The following SLC5A7 variants were observed in gnomAD, a reference collection of about 807,000 sequenced individuals.
SLC5A7 encodes high affinity choline transporter 1.
SLC5A7 carries 19 observed loss-of-function variants against 55.4 expected under a neutral mutation model. The ratio of observed to expected loss-of-function variants is 0.34; its 90% CI spans 0.24 to 0.50. SLC5A7 has a LOEUF of 0.50. Among genes scored for constraint, SLC5A7 ranks in the 20% least tolerant of loss-of-function variants. SLC5A7 has a pLI of 0.98. For missense variants in SLC5A7, 506 were observed against 705.3 expected (o/e 0.72, Z 3.20); for synonymous variants, 265 against 263.7 (o/e 1.00, Z -0.05).
At chr2:107,987,714 A>C (rs991595125) in intron 1 of SLC5A7, among the ~76,000 whole-genome samples, 3 of 152,216 alleles carry the variant, frequency 2.0e-5, no homozygotes, top group African/African-American at 4.8e-5. Context: ...AGAATAAATA[A>C]TTCTAGAAGA....
Position 108,010,367 on chromosome 2 carries a change from ATCTT to A in SLC5A7, c.1250_1253del (p.Ile417ThrfsTer28). ...CAGTTCTGACCTTGTTTACATCGTT[ATCTT>A]CCCCCAGCTGCTTTGTGTACTCTTT... On this transcript the variant is annotated frameshift_variant, in exon 9 of 9. Coordinates refer to ENST00000264047, the MANE Select transcript of SLC5A7 (RefSeq NM_021815.5). LOFTEE classifies it high-confidence loss of function. 1 of 1,613,906 alleles carries A rather than the reference ATCTT, an allele frequency of 6.2e-7. No individual in the cohort carries two copies. The highest frequency in any genetic ancestry group is 8.5e-7 in the Non-Finnish European group (1 of 1,179,912).
chr2:107,992,096 T>C lies in SLC5A7; in HGVS notation c.179-10T>C. 6.3e-7 allele frequency: 1 copy of C among 1,591,222 alleles called. No homozygotes were observed. The highest frequency in any genetic ancestry group is 8.6e-7 in the Non-Finnish European group (1 of 1,159,770). Reference sequence around the variant, plus strand: ...ACAGTATCACTCCCTCACTTTTCATTCTGTTTCAGCTACCTGGGTCGGAGG... The same window carrying C: ...ACAGTATCACTCCCTCACTTTTCATCCTGTTTCAGCTACCTGGGTCGGAGG... On this transcript the variant is annotated splice_polypyrimidine_tract_variant and intron_variant, in intron 2 of 8. Coordinates refer to ENST00000264047, the MANE Select transcript of SLC5A7 (RefSeq NM_021815.5).
chr2:108,010,289 T>A lies in SLC5A7; in HGVS notation c.1171T>A (p.Ser391Thr). ...AATCACAGTGTTTGTGTTTGGAGCATCTGCAACAGCCATGGCCTTGCTGAC... is the reference window on the plus strand; with the variant it reads ...AATCACAGTGTTTGTGTTTGGAGCAACTGCAACAGCCATGGCCTTGCTGAC... ...MRITVFVFGASATAMALLTKT... is the reference protein window; with the variant it reads ...MRITVFVFGATATAMALLTKT... Residue 391 changes from serine to threonine, a missense_variant, in exon 9 of 9, where the codon TCT becomes ACT. By Grantham distance (58) the Ser-to-Thr change is moderately conservative. This residue lies in a region of SLC5A7 where 309 missense variants were observed against 478.6 expected (regional missense o/e 0.65). Coordinates refer to ENST00000264047, the MANE Select transcript of SLC5A7 (RefSeq NM_021815.5). 6.2e-7 allele frequency: 1 copy of A among 1,613,934 alleles called. No individual in the cohort carries two copies. Among genetic ancestry groups the A allele is most frequent in the Non-Finnish European group, 8.5e-7 (1 of 1,179,910 alleles).
At chr2:108,005,028 T>G (rs1678050266) in intron 6 of SLC5A7, among the ~76,000 whole-genome samples, 1 of 152,232 alleles carries the variant, frequency 6.6e-6, no homozygotes, top group South Asian at 2.1e-4. Flanking sequence ...CATTCCAATA[T>G]AGGTATGTAT....
intron 8 of SLC5A7, among the ~76,000 whole-genome samples, chr2:108,009,436 C>CGTCCTCTAAG (rs1182925558): frequency 3.9e-5 from 6 of 152,084 alleles, no homozygotes; most frequent in Admixed American, 3.9e-4. Context: ...CCTATTGACC[C>CGTCCTCTAAG]GTCCTCTAAG....
chr2:107,992,287 G>A (rs1677481090), intron 3 of SLC5A7, 68 bp downstream of exon 3: 1 of 909,300 alleles, frequency 1.1e-6, no homozygotes, highest in African/African-American at 1.6e-5. Flanking sequence ...TAAATAACAA[G>A]TGGAATAACA....
chr2:108,006,154 G>A lies in SLC5A7; in HGVS notation c.847G>A (p.Val283Met). The A allele has an allele frequency of 6.2e-7, 1 of 1,613,968 alleles. No homozygotes were observed. Among genetic ancestry groups the A allele is most frequent in the Non-Finnish European group, 8.5e-7 (1 of 1,179,986 alleles). Residue 283 changes from valine (V) to methionine (M), a missense_variant, in exon 7 of 9, where the codon GTG (valine) becomes ATG (methionine). By Grantham distance (21) the Val-to-Met change is conservative. This residue lies in a region of SLC5A7 where 309 missense variants were observed against 478.6 expected (regional missense o/e 0.65). Coordinates refer to ENST00000264047, the MANE Select transcript of SLC5A7 (RefSeq NM_021815.5). ...LSFLAAFGCL[V>M]MAIPAILIGA... ...CTTCCTGGCAGCTTTCGGGTGCCTG[G>A]TGATGGCCATCCCAGCCATACTCAT...
chr2:108,007,058 C>A (rs1678152364), intron 7 of SLC5A7, among the ~76,000 whole-genome samples: 1 of 152,118 alleles, frequency 6.6e-6, no homozygotes, highest in Non-Finnish European at 1.5e-5. Context: ...AAAAGCTCAC[C>A]TTTAATTTAA....
rs765944786 is a variant in SLC5A7 at position 107,988,166 on chromosome 2, A to G, written c.11A>G (p.His4Arg). MAFHVEGLIAIIVF... is the reference protein window; with the variant it reads MAFRVEGLIAIIVF... ...GATCATTAGATAAAAATGGCTTTCC[A>G]TGTGGAAGGACTGATAGCTATCATC... is the stretch of plus-strand genomic sequence containing the variant. Residue 4 changes from histidine (H) to arginine (R), a missense_variant, in exon 2 of 9, where the codon CAT becomes CGT. Coordinates refer to ENST00000264047, the MANE Select transcript of SLC5A7 (RefSeq NM_021815.5). 1 of 1,612,196 alleles carries G rather than the reference A, an allele frequency of 6.2e-7. No individual in the cohort carries two copies. Among genetic ancestry groups the G allele is most frequent in the South Asian group, 1.1e-5 (1 of 90,952 alleles).
intron 7 of SLC5A7, among the ~76,000 whole-genome samples, chr2:108,006,595 C>T (rs940314118): frequency 1.3e-5 from 2 of 152,060 alleles, no homozygotes; most frequent in African/African-American, 2.4e-5. Context: ...GTATATTTAT[C>T]CATTGTTTAT....
In SLC5A7 at chr2:108,010,504, C is replaced by G; in HGVS notation, c.1386C>G (p.Tyr462Ter). ...PYLYLQPLIF[Y>*]PGYYPDDNGI... The stretch of plus-strand genomic sequence containing the variant: ...TGTATCTTCAGCCCTTGATCTTCTA[C>G]CCTGGCTATTACCCTGATGATAATG... The change falls in exon 9 of 9, where the codon TAC becomes TAG. Residue 462 changes from tyrosine (Y) to a stop codon, truncating the protein, a stop_gained. Coordinates refer to ENST00000264047, the MANE Select transcript of SLC5A7 (RefSeq NM_021815.5). LOFTEE classifies it high-confidence loss of function. 6.2e-7 allele frequency: 1 copy of G among 1,613,910 alleles called. No individual in the cohort carries two copies. The highest frequency in any genetic ancestry group is 8.5e-7 in the Non-Finnish European group (1 of 1,179,904).
rs1678331207 is a variant in SLC5A7 at position 108,011,586 on chromosome 2, G to A, written c.*725G>A. On this transcript the variant is annotated 3_prime_UTR_variant, in exon 9 of 9. Coordinates refer to ENST00000264047, the MANE Select transcript of SLC5A7 (RefSeq NM_021815.5). ...TATGCATAAACAACAGTACCTGAAG[G>A]ATTATTAAGCAACCTTAAAGCAATA... The A allele has an allele frequency of 6.6e-6, 1 of 152,076 alleles. No homozygotes were observed. The allele number at this position is 152,076 out of a possible 1,614,324, so 9.4% of individuals were successfully genotyped here.
At chr2:108,005,668 G>A (rs1362412479) in intron 6 of SLC5A7, among the ~76,000 whole-genome samples, 2 of 152,104 alleles carry the variant, frequency 1.3e-5, no homozygotes, top group African/African-American at 4.8e-5. Context: ...CAAGGTGCCG[G>A]CAGATTCACT....
rs1019434409 is a variant in SLC5A7, at chr2:108,013,019, C to G, written c.*2158C>G. On this transcript the variant is annotated 3_prime_UTR_variant, in exon 9 of 9. Transcript: ENST00000264047. ...CCACCATGTGCATCAGGAAACACCT[C>G]ACTCATACTGTCATATAATGCAACA... 6.6e-6 allele frequency: 1 copy of G among 152,084 alleles called. No individual in the cohort carries two copies. The highest frequency in any genetic ancestry group is 1.5e-5 in the Non-Finnish European group (1 of 68,018). 9.4% of individuals were successfully genotyped at this position (152,084 alleles called of 1,614,324 possible).
At chr2:107,991,923 CAT>C (rs1403370800) in intron 2 of SLC5A7, among the ~76,000 whole-genome samples, 181 bp from the exon 3 acceptor site, 2 of 152,230 alleles carry the variant, frequency 1.3e-5, no homozygotes, top group Admixed American at 6.5e-5. Context: ...TTCATTTCAA[CAT>C]GTGATTAATG....
At chr2:107,994,271 C>T (rs1295950073) in intron 4 of SLC5A7, among the ~76,000 whole-genome samples, 2 of 152,094 alleles carry the variant, frequency 1.3e-5, no homozygotes, top group Non-Finnish European at 2.9e-5. Flanking sequence ...AGTATTTGAT[C>T]GTTATAAAAT....
intron 4 of SLC5A7, among the ~76,000 whole-genome samples, chr2:107,997,142 C>T (rs1280262135): frequency 6.6e-6 from 1 of 152,094 alleles, no homozygotes; most frequent in Non-Finnish European, 1.5e-5. Context: ...TGACTAATGA[C>T]GTTTGGTAAT....
intron 6 of SLC5A7, among the ~76,000 whole-genome samples, chr2:108,002,322 C>T (rs1558867203): frequency 6.6e-6 from 1 of 152,162 alleles, no homozygotes; most frequent in Non-Finnish European, 1.5e-5. Flanking sequence ...TGCCCTACCC[C>T]CAGGACTTTC....
chr2:108,011,199 A>G lies in SLC5A7; in HGVS notation c.*338A>G, dbSNP rs548162617. ...GGAAGTAGATGTGAAAAAGCCTAAG[A>G]AAAAGGAAATTGGACAGTTTTGATA... On this transcript the variant is annotated 3_prime_UTR_variant, in exon 9 of 9. Transcript: ENST00000264047. 1 of 179,702 alleles carries G rather than the reference A, an allele frequency of 5.6e-6. No homozygotes were observed. The highest frequency in any genetic ancestry group is 1.9e-4 in the South Asian group (1 of 5,378). The allele number at this position is 179,702 out of a possible 1,614,324, so 11.1% of individuals were successfully genotyped here.
Sources: allele counts gnomAD v4.1 joint callset (sites outside exome capture counted in the v4.1 genomes callset), GRCh38; gene constraint gnomAD v4.1.1; regional missense constraint gnomAD v4.1.1; transcripts MANE v1.5; gene names NCBI Gene and HGNC (gene_info 2026-07-23, HGNC 2026-07-21).